Variants in ZNF561 observed in about 807,000 individuals in gnomAD.
ZNF561 encodes zinc finger protein 561.
ZNF561 carries 16 observed loss-of-function variants against 16.7 expected under a neutral mutation model. The ratio of observed to expected loss-of-function variants is 0.96; its 90% confidence interval spans 0.65 to 1.45. ZNF561 has a LOEUF of 1.45. Among genes scored for constraint, ZNF561 ranks in the 40% most tolerant of loss-of-function variants. The pLI, the probability that ZNF561 is intolerant of heterozygous loss-of-function variation, is 0.00. For synonymous variants in ZNF561, 190 were observed against 192.1 expected (o/e 0.99, Z 0.09); for missense variants, 580 against 578.0 (o/e 1.00, Z -0.04).
At chr19:9,615,101 A>G (rs1380825745) in intron 4 of ZNF561, among the ~76,000 whole-genome samples, 2 of 151,894 alleles carry the variant, frequency 1.3e-5, no homozygotes, top group African/African-American at 2.4e-5. Flanking sequence ...CAGCCTCCCA[A>G]AGTGCTGGGA....
intron 4 of ZNF561, 165 bp from the exon 5 acceptor site, chr19:9,614,268 A>T: frequency 1.4e-6 from 1 of 699,868 alleles, no homozygotes; most frequent in Non-Finnish European, 2.4e-6. Flanking sequence ...TGTGGGGTTT[A>T]TTACATAACT....
Position 9,611,238 on chromosome 19 carries a change from A to C in ZNF561, c.423T>G (p.Asn141Lys). The C allele has an allele frequency of 6.2e-7, 1 of 1,613,976 alleles. No individual in the cohort carries two copies. Among genetic ancestry groups the C allele is most frequent in the Non-Finnish European group, 8.5e-7 (1 of 1,179,902 alleles). ...FCLKTHMRVQNGGNTSEGNCY... is the reference protein window; with the variant it reads ...FCLKTHMRVQKGGNTSEGNCY... ...AATTACCCTCAGAAGTATTCCCTCCATTCTGAACTCTCATGTGTGTCTTAA... is the reference window on the plus strand; with the variant it reads ...AATTACCCTCAGAAGTATTCCCTCCCTTCTGAACTCTCATGTGTGTCTTAA... Residue 141 changes from asparagine (N) to lysine (K), a missense_variant, in exon 6 of 6, where the codon AAT becomes AAG. Transcript: ENST00000302851.
chr19:9,612,086 C>T (rs937495120), intron 5 of ZNF561, among the ~76,000 whole-genome samples: 2 of 151,830 alleles, frequency 1.3e-5, no homozygotes, highest in Admixed American at 6.6e-5. Flanking sequence ...GGTCACCATG[C>T]CTGGCTAATT....
intron 2 of ZNF561, 144 bp downstream of exon 2, chr19:9,619,288 A>G: frequency 1.9e-6 from 1 of 539,606 alleles, no homozygotes; most frequent in Non-Finnish European, 3.1e-6. Flanking sequence ...TAAATAATAA[A>G]ACAGCATTCT....
intron 4 of ZNF561, among the ~76,000 whole-genome samples, chr19:9,615,377 A>G (rs1303537577): frequency 6.6e-6 from 1 of 151,742 alleles, no homozygotes; most frequent in Non-Finnish European, 1.5e-5. Context: ...TGGGTGGATC[A>G]TTTGAGGTCA....
At chr19:9,614,274 T>C in intron 4 of ZNF561, 171 bp from the exon 5 acceptor site, 1 of 679,520 alleles carries the variant, frequency 1.5e-6, no homozygotes, top group East Asian at 2.8e-5. Flanking sequence ...GTTTATTACA[T>C]AACTGATGTG....
At chr19:9,615,560 C>T (rs533573156) in intron 4 of ZNF561, among the ~76,000 whole-genome samples, 187 of 151,708 alleles carry the variant, frequency 1.2e-3, no homozygotes, top group African/African-American at 4.4e-3. Flanking sequence ...ATTGCACCAC[C>T]GCACTCCAGC....
chr19:9,613,523 T>A (rs1186585110), intron 5 of ZNF561, among the ~76,000 whole-genome samples: 1 of 151,842 alleles, frequency 6.6e-6, no homozygotes, highest in Non-Finnish European at 1.5e-5. Flanking sequence ...ACTCAGTTTC[T>A]TTTCTTTATT....
At chr19:9,613,422 T>C (rs1294005150) in intron 5 of ZNF561, among the ~76,000 whole-genome samples, 3 of 151,820 alleles carry the variant, frequency 2.0e-5, no homozygotes, top group Non-Finnish European at 4.4e-5. Flanking sequence ...TTAGTAGAGA[T>C]AAGAGTTTCA....
Position 9,608,027 on chromosome 19 carries a change from A to G in ZNF561, c.*2173T>C, listed in dbSNP as rs2144855433. 1 of 149,174 alleles carries G rather than the reference A, an allele frequency of 6.7e-6. No individual in the cohort carries two copies. Among genetic ancestry groups the G allele is most frequent in the South Asian group, 2.1e-4 (1 of 4,722 alleles). 9.2% of individuals were successfully genotyped at this position (149,174 alleles called of 1,614,324 possible). ...GCTGGGACTGCAGGTACCCGCCACC[A>G]CGCCAGGCTAATTTTTTGTATTTGT... On this transcript the variant is annotated 3_prime_UTR_variant, in exon 6 of 6. Coordinates refer to ENST00000302851, the MANE Select transcript of ZNF561 (RefSeq NM_152289.3).
Position 9,610,283 on chromosome 19 carries a change from C to A in ZNF561, c.1378G>T (p.Val460Phe). The change falls in exon 6 of 6, where the codon GTT becomes TTT. Residue 460 changes from valine to phenylalanine, a missense_variant. By Grantham distance (50) the Val-to-Phe change is conservative. Transcript: ENST00000302851. ...TCATGTCTACTTAGGCGTGAGGAAA[C>A]AGCAAATGCTTTCCCACATTCTTTA... ...VCKECGKAFAVSSRLSRHERI... is the reference protein window; with the variant it reads ...VCKECGKAFAFSSRLSRHERI... 6.2e-7 allele frequency: 1 copy of A among 1,614,092 alleles called. No individual in the cohort carries two copies. Among genetic ancestry groups the A allele is most frequent in the South Asian group, 1.1e-5 (1 of 91,082 alleles).
At position 9,610,002 on chromosome 19, in the gene ZNF561, C is replaced by T; in HGVS notation, c.*198G>A. 1 of 532,860 alleles carries T rather than the reference C, an allele frequency of 1.9e-6. No homozygotes were observed. Among genetic ancestry groups the T allele is most frequent in the Non-Finnish European group, 3.3e-6 (1 of 303,190 alleles). 33.0% of individuals were successfully genotyped at this position (532,860 alleles called of 1,614,324 possible). On this transcript the variant is annotated 3_prime_UTR_variant, in exon 6 of 6. Coordinates refer to ENST00000302851, the MANE Select transcript of ZNF561 (RefSeq NM_152289.3). ...GAGGCAGCCTGCAGTACTGACCTCA[C>T]CATCCATGACCCTTCTTCACAGATG...
chr19:9,613,927 G>T lies in ZNF561; in HGVS notation c.324+94C>A, dbSNP rs894786017. ...CTCCCAAATAGCTGGGATTACAGAT[G>T]TAAGCCACACCTCTGACTGAGCTGA... On this transcript the variant is annotated intron_variant, in intron 5 of 5. Transcript: ENST00000302851. The T allele has an allele frequency of 5.4e-6, 8 of 1,485,646 alleles. No individual in the cohort carries two copies. In the Admixed American group the frequency reaches 1.2e-4, roughly 23 times the overall value. The allele number at this position is 1,485,646 out of a possible 1,614,324, so 92.0% of individuals were successfully genotyped here. A position where few individuals can be genotyped will look rare whatever the true frequency, so the allele number is the denominator to read the frequency against.
In ZNF561 at chr19:9,619,701, G is replaced by A. The variant is rs1018684886; in HGVS notation, c.-126-119C>T. On this transcript the variant is annotated intron_variant, in intron 1 of 5. Coordinates refer to ENST00000302851, the MANE Select transcript of ZNF561 (RefSeq NM_152289.3). ...CACCAAAAATTGCCCACTCAGTACCGTCACTCAGTAACAAAAGTATTAATA... is the reference window on the plus strand; with the variant it reads ...CACCAAAAATTGCCCACTCAGTACCATCACTCAGTAACAAAAGTATTAATA... 2.7e-5 allele frequency: 10 copies of A among 375,342 alleles called. No individual in the cohort carries two copies. In the East Asian group the frequency reaches 4.3e-4, roughly 16 times the overall value. The allele number at this position is 375,342 out of a possible 1,614,324, so 23.3% of individuals were successfully genotyped here.
At position 9,610,183 on chromosome 19, in the gene ZNF561, A is replaced by G. The variant is rs532512242; in HGVS notation, c.*17T>C. 6.5e-7 allele frequency: 1 copy of G among 1,538,916 alleles called. No individual in the cohort carries two copies. Among genetic ancestry groups the G allele is most frequent in the East Asian group, 2.3e-5 (1 of 44,300 alleles). On this transcript the variant is annotated 3_prime_UTR_variant, in exon 6 of 6. Transcript: ENST00000302851. Reference sequence around the variant, plus strand: ...CTTTGGTGTCATTGCCAATAATTAAAGATGGCAACCGATGGGCTAAATGGT... The same window carrying G: ...CTTTGGTGTCATTGCCAATAATTAAGGATGGCAACCGATGGGCTAAATGGT...
chr19:9,616,301 A>T (rs1221292604), intron 4 of ZNF561, among the ~76,000 whole-genome samples: 1 of 151,990 alleles, frequency 6.6e-6, no homozygotes, highest in African/African-American at 2.4e-5. Flanking sequence ...ATTTTTTTTT[A>T]GACGAAGTAT....
At chr19:9,612,416 C>G (rs1432498426) in intron 5 of ZNF561, among the ~76,000 whole-genome samples, 3 of 152,040 alleles carry the variant, frequency 2.0e-5, no homozygotes, top group Admixed American at 2.0e-4. Context: ...GATGGGGTTT[C>G]CCCATGTTCG....
At chr19:9,619,016 T>C (rs1251787948) in intron 2 of ZNF561, 2 of 152,546 alleles carry the variant, frequency 1.3e-5, no homozygotes, top group Non-Finnish European at 2.9e-5. Context: ...AGACAGAAGT[T>C]GCAGTGAGTC....
chr19:9,614,204 T>G, intron 4 of ZNF561, 101 bp from the exon 5 acceptor site: 1 of 1,452,974 alleles, frequency 6.9e-7, no homozygotes, highest in Non-Finnish European at 9.5e-7. Flanking sequence ...AGCAATAAAA[T>G]AAAAGCCAGA....
Sources: allele counts gnomAD v4.1 joint callset (sites outside exome capture counted in the v4.1 genomes callset), GRCh38; gene constraint gnomAD v4.1.1; transcripts MANE v1.5; gene names NCBI Gene and HGNC (gene_info 2026-07-23, HGNC 2026-07-21).